Variants in SLX4IP observed in about 807,000 individuals in gnomAD.
SLX4IP encodes the protein protein SLX4IP.
A neutral mutation model predicts 32.9 loss-of-function variants in SLX4IP; 34 were observed. The observed-to-expected ratio is 1.03, with a 90% CI of 0.79 to 1.38. The LOEUF is 1.38. Among genes scored for constraint, SLX4IP ranks in the 40% most tolerant of loss-of-function variants. SLX4IP has a pLI of 0.00. For missense variants in SLX4IP, 444 were observed against 479.0 expected (o/e 0.93, Z 0.68); for synonymous variants, 172 against 171.7 (o/e 1.00, Z -0.01).
intron 4 of SLX4IP, among the ~76,000 whole-genome samples, chr20:10,571,601 C>T (rs1354391272): frequency 6.6e-6 from 1 of 152,226 alleles, no homozygotes; most frequent in Non-Finnish European, 1.5e-5. Flanking sequence ...TCTCTCCCTG[C>T]TCACCCTCTG....
At chr20:10,536,191 G>A (rs2066042247) in intron 2 of SLX4IP, among the ~76,000 whole-genome samples, 1 of 152,160 alleles carries the variant, frequency 6.6e-6, no homozygotes, top group Admixed American at 6.5e-5. Flanking sequence ...AATGTGACAA[G>A]TTTTATAGCT....
At chr20:10,450,459 C>G (rs1231599113) in intron 1 of SLX4IP, among the ~76,000 whole-genome samples, 1 of 152,052 alleles carries the variant, frequency 6.6e-6, no homozygotes, top group Non-Finnish European at 1.5e-5. Flanking sequence ...GCCTGATTTC[C>G]CAGGAACTTA....
chr20:10,494,597 C>T (rs1028427799), intron 2 of SLX4IP, among the ~76,000 whole-genome samples: 1 of 151,844 alleles, frequency 6.6e-6, no homozygotes, highest in Non-Finnish European at 1.5e-5. Context: ...TTGTGCTAGA[C>T]GTTTGCCTGC....
At position 10,592,622 on chromosome 20, in the gene SLX4IP, C is replaced by CTTTTT. The variant is rs33995611; in HGVS notation, c.239-6027_239-6023dup. ...GCTTGAAAGCACACGTATTCTTCAT[C>CTTTTT]TTTTTTTTTTTTTTTTTTTTTTTTT... On this transcript the variant is annotated intron_variant, in intron 4 of 7. Transcript: ENST00000334534. Among the ~76,000 whole-genome samples, 50 of 55,170 alleles carry CTTTTT rather than the reference C, an allele frequency of 9.1e-4. 1 individual carries two copies. The highest frequency in any genetic ancestry group is 1.1e-3 in the Non-Finnish European group (36 of 33,112). 36.2% of individuals were successfully genotyped at this position (55,170 alleles called of 152,430 possible).
chr20:10,575,106 C>G (rs1168763519), intron 4 of SLX4IP, among the ~76,000 whole-genome samples: 1 of 152,112 alleles, frequency 6.6e-6, no homozygotes, highest in African/African-American at 2.4e-5. Context: ...AACTGGTTGG[C>G]ATTCCTGCCC....
chr20:10,467,597 A>G (rs1313913675), intron 2 of SLX4IP, among the ~76,000 whole-genome samples: 2 of 152,234 alleles, frequency 1.3e-5, no homozygotes, highest in African/African-American at 2.4e-5. Context: ...GGTTGATGCT[A>G]TGCCCAAACT....
At chr20:10,581,231 C>A (rs1387775990) in intron 4 of SLX4IP, among the ~76,000 whole-genome samples, 3 of 151,912 alleles carry the variant, frequency 2.0e-5, no homozygotes, top group Admixed American at 2.0e-4. Context: ...GATGGAGGGA[C>A]AGGGAGCTGA....
chr20:10,592,267 C>G (rs2066716839), intron 4 of SLX4IP, among the ~76,000 whole-genome samples: 1 of 152,138 alleles, frequency 6.6e-6, no homozygotes, highest in Non-Finnish European at 1.5e-5. Flanking sequence ...TGGTCTTAGA[C>G]TAGGATCCCG....
intron 2 of SLX4IP, among the ~76,000 whole-genome samples, chr20:10,513,811 G>A (rs546597249): frequency 1.3e-5 from 2 of 152,194 alleles, no homozygotes; most frequent in African/African-American, 4.8e-5. Flanking sequence ...CTTAAGATGT[G>A]CATCTCTGTG....
chr20:10,502,971 G>C (rs1048184951), intron 2 of SLX4IP, among the ~76,000 whole-genome samples: 1 of 152,164 alleles, frequency 6.6e-6, no homozygotes, highest in Non-Finnish European at 1.5e-5. Context: ...CTTTAGACCT[G>C]ATGGCTCATG....
At chr20:10,509,496 G>A (rs1349198542) in intron 2 of SLX4IP, among the ~76,000 whole-genome samples, 1 of 152,150 alleles carries the variant, frequency 6.6e-6, no homozygotes, top group East Asian at 1.9e-4. Context: ...AAAGTAGAGG[G>A]TCGCTCTCCT....
chr20:10,560,201 C>T (rs1356647567), intron 3 of SLX4IP, among the ~76,000 whole-genome samples: 7 of 152,324 alleles, frequency 4.6e-5, no homozygotes, highest in South Asian at 4.1e-4. Flanking sequence ...TTCCCCATGC[C>T]GTTGCACCAG....
intron 2 of SLX4IP, among the ~76,000 whole-genome samples, chr20:10,478,715 C>G (rs2065494505): frequency 6.6e-6 from 1 of 152,156 alleles, no homozygotes; most frequent in African/African-American, 2.4e-5. Context: ...GTCCTTGCCC[C>G]TCAGTAAAAA....
At chr20:10,610,553 G>A (rs897567136) in intron 6 of SLX4IP, among the ~76,000 whole-genome samples, 1 of 152,358 alleles carries the variant, frequency 6.6e-6, no homozygotes, top group East Asian at 1.9e-4. Flanking sequence ...GTATCCTCAA[G>A]TCTGAAATGG....
chr20:10,473,599 T>A (rs1222973808), intron 2 of SLX4IP, among the ~76,000 whole-genome samples: 1 of 100,208 alleles, frequency 1.0e-5, no homozygotes, highest in Non-Finnish European at 2.0e-5. Flanking sequence ...CTGCCAGAGT[T>A]CTGTTTCTTT....
chr20:10,566,110 C>T (rs1275314600), intron 4 of SLX4IP, among the ~76,000 whole-genome samples: 1 of 151,788 alleles, frequency 6.6e-6, no homozygotes, highest in African/African-American at 2.4e-5. Context: ...TGTATCTTCC[C>T]TCCTCTATTT....
intron 4 of SLX4IP, among the ~76,000 whole-genome samples, chr20:10,570,725 C>T (rs6040030): frequency 0.2 from 29,956 of 151,918 alleles, 3,073 homozygotes; most frequent in Non-Finnish European, 0.23. Flanking sequence ...GACAGGTTTT[C>T]GCCATGTTGG....
chr20:10,453,178 CTT>C (rs1263115554), intron 1 of SLX4IP, among the ~76,000 whole-genome samples: 1 of 152,170 alleles, frequency 6.6e-6, no homozygotes, highest in South Asian at 2.1e-4. Flanking sequence ...ATTAAGCACT[CTT>C]TTTATTTACT....
chr20:10,560,848 C>A, intron 4 of SLX4IP, 28 bp downstream of exon 4: 1 of 1,537,822 alleles, frequency 6.5e-7, no homozygotes. Flanking sequence ...TGATTTTGGA[C>A]AAAAAATAAA....
Sources: gnomAD v4.1 joint callset for allele counts (sites outside exome capture counted in the v4.1 genomes callset) on GRCh38, gnomAD v4.1.1 for gene constraint, MANE v1.5 for transcripts, NCBI Gene and HGNC (gene_info 2026-07-23, HGNC 2026-07-21) for gene names.